Variants in PCMTD1 observed in about 807,000 individuals in gnomAD.
PCMTD1 encodes protein-L-isoaspartate O-methyltransferase domain-containing protein 1.
A neutral mutation model predicts 37.6 loss-of-function variants in PCMTD1; 12 were observed. The observed-to-expected ratio is 0.32, with a 90% CI of 0.20 to 0.52. The LOEUF is 0.52. PCMTD1 is among the 20% of genes least tolerant of loss of function. The pLI, the probability that PCMTD1 is intolerant of heterozygous loss-of-function variation, is 0.97. For missense variants in PCMTD1, 235 were observed against 421.3 expected, an observed-to-expected ratio of 0.56 and a Z score of 3.87; for synonymous variants, 117 against 135.8, an observed-to-expected ratio of 0.86 and a Z score of 0.96.
At chr8:51,889,169 T>A (rs1007693625) in intron 1 of PCMTD1, among the ~76,000 whole-genome samples, 2 of 152,212 alleles carry the variant, frequency 1.3e-5, no homozygotes, top group African/African-American at 4.8e-5. Flanking sequence ...CAGTCCAAGT[T>A]TGGCCTCTAC....
intron 1 of PCMTD1, among the ~76,000 whole-genome samples, chr8:51,894,324 G>T (rs548658294): frequency 6.6e-6 from 1 of 152,244 alleles, no homozygotes; most frequent in South Asian, 2.1e-4. Flanking sequence ...TTTGAAAGGG[G>T]CACTGAAGTC....
intron 1 of PCMTD1, among the ~76,000 whole-genome samples, chr8:51,898,118 GA>G (rs1355632072): frequency 1.3e-5 from 2 of 151,902 alleles, no homozygotes; most frequent in African/African-American, 2.4e-5. Flanking sequence ...ATAAATAGGG[GA>G]AAAACACTGC....
chr8:51,841,300 CAT>C (rs2038144144), intron 3 of PCMTD1, among the ~76,000 whole-genome samples: 1 of 152,118 alleles, frequency 6.6e-6, no homozygotes, highest in South Asian at 2.1e-4. Context: ...TTTCATTACT[CAT>C]ATCATGACTC....
chr8:51,861,280 A>G, intron 1 of PCMTD1, 34 bp from the exon 2 acceptor site: 1 of 1,368,328 alleles, frequency 7.3e-7, no homozygotes, highest in Non-Finnish European at 9.6e-7. Flanking sequence ...ACAGGTTTAA[A>G]TTAATGCTCA....
At chr8:51,839,784 G>A (rs548087230) in intron 3 of PCMTD1, 5 of 267,364 alleles carry the variant, frequency 1.9e-5, no homozygotes, top group Admixed American at 6.5e-5. Flanking sequence ...TTTCAAGGAC[G>A]TGGAAAAGAA....
chr8:51,843,069 TTAAC>T (rs879431924), intron 3 of PCMTD1, among the ~76,000 whole-genome samples: 7 of 152,110 alleles, frequency 4.6e-5, no homozygotes, highest in African/African-American at 1.4e-4. Context: ...GAAAATAAGT[TTAAC>T]TATTATCCAC....
At chr8:51,846,785 C>G (rs1160349878) in intron 2 of PCMTD1, among the ~76,000 whole-genome samples, 1 of 152,114 alleles carries the variant, frequency 6.6e-6, no homozygotes, top group Non-Finnish European at 1.5e-5. Flanking sequence ...TGAAACAGTA[C>G]ATGTAAAATA....
At chr8:51,892,734 T>C (rs1385204046) in intron 1 of PCMTD1, among the ~76,000 whole-genome samples, 2 of 152,218 alleles carry the variant, frequency 1.3e-5, no homozygotes, top group Admixed American at 1.3e-4. Context: ...AGTGGTTCTT[T>C]ATCTCCTCAT....
At chr8:51,844,664 G>A (rs1431309145) in intron 3 of PCMTD1, 1 of 152,320 alleles carries the variant, frequency 6.6e-6, no homozygotes, top group Non-Finnish European at 1.5e-5. Flanking sequence ...GCAAAGGCAG[G>A]AGGGGGAAAA....
rs1352683294 is a variant in PCMTD1, at chr8:51,890,043, T to C, written c.-96+8887A>G. Among the ~76,000 whole-genome samples the C allele has an allele frequency of 4.7e-5, 7 of 149,664 alleles. No individual in the cohort carries two copies. In the East Asian group the frequency reaches 7.9e-4, roughly 17 times the overall value. ...TTATATAAAGCCTTTTTGTCATAAA[T>C]AATGAGGTAATTAAACTACTTTAAG... On this transcript the variant is annotated intron_variant, in intron 1 of 5. Coordinates refer to ENST00000522514, the MANE Select transcript of PCMTD1 (RefSeq NM_052937.4).
intron 1 of PCMTD1, among the ~76,000 whole-genome samples, chr8:51,868,952 T>TG (rs780636824): frequency 6.6e-6 from 1 of 152,182 alleles, no homozygotes; most frequent in Non-Finnish European, 1.5e-5. Flanking sequence ...GGTATTATAC[T>TG]GTATATATTG....
At chr8:51,861,958 T>C (rs1440237616) in intron 1 of PCMTD1, among the ~76,000 whole-genome samples, 1 of 152,082 alleles carries the variant, frequency 6.6e-6, no homozygotes, top group African/African-American at 2.4e-5. Context: ...AAGAGATCCA[T>C]CCGCCCGGGC....
intron 2 of PCMTD1, among the ~76,000 whole-genome samples, chr8:51,847,524 G>A (rs2038239474): frequency 6.6e-6 from 1 of 152,102 alleles, no homozygotes. Flanking sequence ...TTTCTTGGGA[G>A]GCTGAGGCTT....
chr8:51,878,250 G>GTTTTT (rs375362623), intron 1 of PCMTD1, among the ~76,000 whole-genome samples: 10,574 of 138,304 alleles, frequency 0.076, 616 homozygotes, highest in Non-Finnish European at 0.12. Flanking sequence ...TTTTTTTTTG[G>GTTTTT]TTTTTTTTTT....
Position 51,819,237 on chromosome 8 carries a change from A to T in PCMTD1, c.*1114T>A, listed in dbSNP as rs181145607. ...ACATGGCATAGGTCCCAAAGATTACACTATGATTCTGAACAGCATTTTCAA... is the reference window on the plus strand; with the variant it reads ...ACATGGCATAGGTCCCAAAGATTACTCTATGATTCTGAACAGCATTTTCAA... On this transcript the variant is annotated 3_prime_UTR_variant, in exon 6 of 6. Coordinates refer to ENST00000522514, the MANE Select transcript of PCMTD1 (RefSeq NM_052937.4). 14 of 152,232 alleles carry T rather than the reference A, an allele frequency of 9.2e-5. No individual in the cohort carries two copies. In the East Asian group the frequency reaches 2.5e-3, roughly 27 times the overall value. The allele number at this position is 152,232 out of a possible 1,614,324, so 9.4% of individuals were successfully genotyped here.
intron 2 of PCMTD1, chr8:51,849,085 A>T (rs1322904294): frequency 6.6e-6 from 1 of 152,190 alleles, no homozygotes; most frequent in Admixed American, 6.5e-5. Context: ...CAACAGGAAA[A>T]TAAAACAGAA....
chr8:51,845,702 T>G lies in PCMTD1; in HGVS notation c.369A>C (p.Glu123Asp), dbSNP rs375647256. 1.2e-5 allele frequency: 20 copies of G among 1,613,048 alleles called. No individual in the cohort carries two copies. The African/African-American group carries it at 2.7e-4, about 22-fold the overall frequency. The change falls in exon 3 of 6, where the codon GAA becomes GAC. Residue 123 changes from glutamate (E) to aspartate (D), a missense_variant. Glu to Asp is a conservative substitution (Grantham distance 45). Around this residue, in one of 3 missense-constraint regions of PCMTD1, gnomAD observed 183 missense variants for 349.3 expected, o/e 0.52. Transcript: ENST00000522514. ...TATTTTTGATGAAGCTCTCCAGTTT[T>G]TCCTTGGCATATTCCACCACATCTG... ...LHSDVVEYAK[E>D]KLESFIKNSD...
At chr8:51,894,145 A>G (rs1473014118) in intron 1 of PCMTD1, among the ~76,000 whole-genome samples, 3 of 152,096 alleles carry the variant, frequency 2.0e-5, no homozygotes, top group African/African-American at 7.3e-5. Flanking sequence ...AGACTTTTAC[A>G]TGGAAGACTT....
intron 4 of PCMTD1, among the ~76,000 whole-genome samples, chr8:51,831,895 A>AT: frequency 6.6e-6 from 1 of 152,330 alleles, no homozygotes. Flanking sequence ...TACATGTCTG[A>AT]GACAGGTGCA....
Sources: gnomAD v4.1 joint callset for allele counts (sites outside exome capture counted in the v4.1 genomes callset) on GRCh38, gnomAD v4.1.1 for gene constraint, gnomAD v4.1.1 regional missense constraint, MANE v1.5 for transcripts, NCBI Gene and HGNC (gene_info 2026-07-23, HGNC 2026-07-21) for gene names.